The following KIF23 variants were observed in gnomAD, a reference collection of about 807,000 sequenced individuals.
KIF23 encodes kinesin-like protein KIF23.
Under a neutral mutation model 137.5 loss-of-function variants are expected in KIF23, and 30 were observed. That is an observed-to-expected ratio of 0.22 (90% CI 0.16 to 0.30). KIF23 has a LOEUF of 0.30. Ranked by LOEUF, KIF23 falls within the 10% of genes least tolerant of loss-of-function variation. The probability of loss-of-function intolerance (pLI) is 1.00; values close to 1 mark genes in which losing one functional copy is unlikely to be tolerated. For missense variants in KIF23, 920 were observed against 1,194.3 expected (o/e 0.77, Z 3.38); for synonymous variants, 367 against 391.1 (o/e 0.94, Z 0.73).
At position 69,425,334 on chromosome 15, in the gene KIF23, G is replaced by A. The variant is rs2057161999; in HGVS notation, c.776+11G>A. On this transcript the variant is annotated intron_variant, in intron 8 of 23. Transcript: ENST00000679126. Reference sequence around the variant, plus strand: ...GAACACAGATTTTGTGTATGTGATGGTGTTGGCTCTTTTCTTAAGGAGAAG... The same window carrying A: ...GAACACAGATTTTGTGTATGTGATGATGTTGGCTCTTTTCTTAAGGAGAAG... 6.5e-7 allele frequency: 1 copy of A among 1,535,118 alleles called. No homozygotes were observed. Among genetic ancestry groups the A allele is most frequent in the South Asian group, 1.2e-5 (1 of 83,976 alleles).
At position 69,435,509 on chromosome 15, in the gene KIF23, C is replaced by G. The variant is rs1291454857; in HGVS notation, c.1141C>G (p.Leu381Val). Residue 381 changes from leucine (L) to valine (V), a missense_variant, in exon 12 of 24, where the codon CTA becomes GTA. Physicochemically the swap from Leu to Val is conservative, Grantham distance 32. Transcript: ENST00000679126. ...TAATATTAATCAGTCACTAATGACG[C>G]TAAGAACATGTATGGATGTCCTAAG... ...AGNINQSLMT[L>V]RTCMDVLREN... is the part of the protein sequence containing the mutation. 1.2e-6 allele frequency: 2 copies of G among 1,613,804 alleles called. No individual in the cohort carries two copies. Among genetic ancestry groups the G allele is most frequent in the Admixed American group, 1.7e-5 (1 of 59,980 alleles).
chr15:69,425,371 A>G (rs1007926744), intron 8 of KIF23, 48 bp downstream of exon 8: 1 of 1,475,844 alleles, frequency 6.8e-7, no homozygotes, highest in Non-Finnish European at 9.1e-7. Flanking sequence ...GTGCAGTTAT[A>G]CTATGGTTGG....
intron 1 of KIF23, among the ~76,000 whole-genome samples, chr15:69,415,628 A>G (rs2140304181): frequency 6.6e-6 from 1 of 152,306 alleles, no homozygotes; most frequent in African/African-American, 2.4e-5. Flanking sequence ...GTGCATTTTT[A>G]TAGTGTATTG....
chr15:69,435,506 A>G lies in KIF23; in HGVS notation c.1138A>G (p.Thr380Ala). 6.2e-7 allele frequency: 1 copy of G among 1,613,904 alleles called. No homozygotes were observed. The highest frequency in any genetic ancestry group is 8.5e-7 in the Non-Finnish European group (1 of 1,179,840). The change falls in exon 12 of 24, where the codon ACG becomes GCG. Residue 380 changes from threonine to alanine, a missense_variant. This residue lies in a region of KIF23 where 714 missense variants were observed against 866.2 expected (regional missense o/e 0.82). Transcript: ENST00000679126. ...AGGTAATATTAATCAGTCACTAATG[A>G]CGCTAAGAACATGTATGGATGTCCT... ...EAGNINQSLM[T>A]LRTCMDVLRE...
chr15:69,414,649 C>A, intron 1 of KIF23, 173 bp downstream of exon 1: 1 of 651,208 alleles, frequency 1.5e-6, no homozygotes, highest in Non-Finnish European at 2.3e-6. Context: ...TGTGGCCGCT[C>A]CGCGGGAGCC....
At position 69,440,888 on chromosome 15, in the gene KIF23, G is replaced by A; in HGVS notation, c.2230G>A (p.Glu744Lys). ...ISVASCISEW[E>K]QKIPTYNTPL... Reference sequence around the variant, plus strand: ...TGTAGCTTCCTGTATTTCGGAATGGGAGCAGAAAATTCCTACGTACAACAC... The same window carrying A: ...TGTAGCTTCCTGTATTTCGGAATGGAAGCAGAAAATTCCTACGTACAACAC... The change falls in exon 19 of 24, where the codon GAG (glutamate) becomes AAG (lysine). Residue 744 changes from glutamate to lysine, a missense_variant. Coordinates refer to ENST00000679126, the MANE Select transcript of KIF23 (RefSeq NM_001367805.3). The A allele has an allele frequency of 1.2e-6, 2 of 1,614,142 alleles. No individual in the cohort carries two copies. The highest frequency in any genetic ancestry group is 1.1e-5 in the South Asian group (1 of 91,078).
Position 69,440,815 on chromosome 15 carries a change from G to A in KIF23, c.2157G>A (p.Met719Ile). 2 of 1,613,124 alleles carry A rather than the reference G, an allele frequency of 1.2e-6. No individual in the cohort carries two copies. Among genetic ancestry groups the A allele is most frequent in the East Asian group, 4.5e-5 (2 of 44,880 alleles). Residue 719 changes from methionine to isoleucine, a missense_variant, in exon 19 of 24, where the codon ATG (methionine) becomes ATA (isoleucine). By Grantham distance (10) the Met-to-Ile change is conservative (BLOSUM62 1). Around this residue, in one of 4 missense-constraint regions of KIF23, gnomAD observed 714 missense variants for 866.2 expected, o/e 0.82. Coordinates refer to ENST00000679126, the MANE Select transcript of KIF23 (RefSeq NM_001367805.3). ...IAQISNGQQL[M>I]SQPQLHRRSN... ...AGATTTCCAACGGCCAGCAACTCATGAGCCAGCCACAGCTACATAGGCGCT... is the reference window on the plus strand; with the variant it reads ...AGATTTCCAACGGCCAGCAACTCATAAGCCAGCCACAGCTACATAGGCGCT...
rs749033383 is a variant in KIF23 at position 69,416,070 on chromosome 15, T to C, written c.81+7T>C. On this transcript the variant is annotated splice_region_variant and intron_variant, in intron 2 of 23. Coordinates refer to ENST00000679126, the MANE Select transcript of KIF23 (RefSeq NM_001367805.3). ...CCTTAAAGACCCAGTTGGGGTAAGG[T>C]ATCCCTGTAAATTTATGTGTGGTGT... The C allele has an allele frequency of 1.2e-5, 18 of 1,556,116 alleles. No individual in the cohort carries two copies. The highest frequency in any genetic ancestry group is 1.6e-5 in the Non-Finnish European group (18 of 1,159,358).
Position 69,447,893 on chromosome 15 carries a change from C to G in KIF23, c.*86C>G. On this transcript the variant is annotated 3_prime_UTR_variant, in exon 24 of 24. Coordinates refer to ENST00000679126, the MANE Select transcript of KIF23 (RefSeq NM_001367805.3). The stretch of plus-strand genomic sequence containing the variant: ...TGCCAGAAGCAGTCTTCCAGGTCAT[C>G]TTGTAGAACTCCAGCTTTGTTGAAA... The G allele has an allele frequency of 7.3e-7, 1 of 1,370,662 alleles. No individual in the cohort carries two copies. The highest frequency in any genetic ancestry group is 1.0e-6 in the Non-Finnish European group (1 of 965,360). 84.9% of individuals were successfully genotyped at this position (1,370,662 alleles called of 1,614,324 possible).
intron 3 of KIF23, among the ~76,000 whole-genome samples, chr15:69,418,073 AAGTT>A (rs1386421702): frequency 2.6e-5 from 4 of 152,304 alleles, no homozygotes; most frequent in African/African-American, 9.6e-5. Context: ...ATAAGACAGA[AAGTT>A]AGATGTGCTA....
In KIF23 at chr15:69,436,615, G is replaced by A; in HGVS notation, c.1490G>A (p.Cys497Tyr). ...CAGAGTTTTCCACCTTTGCCATCATGCGAAATTTTGGATATCAACGATGAG... is the reference window on the plus strand; with the variant it reads ...CAGAGTTTTCCACCTTTGCCATCATACGAAATTTTGGATATCAACGATGAG... ...VLQSFPPLPS[C>Y]EILDINDEQT... Residue 497 changes from cysteine to tyrosine, a missense_variant, in exon 15 of 24, where the codon TGC becomes TAC. Physicochemically the swap from Cys to Tyr is radical, Grantham distance 194 (BLOSUM62 -2). This residue lies in a region of KIF23 where 714 missense variants were observed against 866.2 expected (regional missense o/e 0.82). Coordinates refer to ENST00000679126, the MANE Select transcript of KIF23 (RefSeq NM_001367805.3). 6.2e-7 allele frequency: 1 copy of A among 1,612,774 alleles called. No homozygotes were observed.
intron 15 of KIF23, 110 bp downstream of exon 15, chr15:69,436,832 G>T (rs1175013829): frequency 1.7e-5 from 10 of 599,382 alleles, no homozygotes; most frequent in Non-Finnish European, 2.6e-5. Context: ...TCGGTTCACT[G>T]CAACCTCCGC....
chr15:69,434,804 G>A (rs1258323800), intron 11 of KIF23: 1 of 1,012,556 alleles, frequency 9.9e-7, no homozygotes, highest in South Asian at 1.4e-5. Context: ...CCTTCTTCTT[G>A]CACTCATCCT....
intron 6 of KIF23, 144 bp downstream of exon 6, chr15:69,422,579 T>C: frequency 1.6e-6 from 1 of 612,636 alleles, no homozygotes; most frequent in Non-Finnish European, 2.9e-6. Flanking sequence ...TTAAGTTCTT[T>C]GCTCAGATGT....
rs1411900241 is a variant in KIF23, at chr15:69,436,737, A to C, written c.1597+15A>C. On this transcript the variant is annotated intron_variant, in intron 15 of 23. Coordinates refer to ENST00000679126, the MANE Select transcript of KIF23 (RefSeq NM_001367805.3). Reference sequence around the variant, plus strand: ...TAACAAACAATGTAAGGGCAAAACTATTTGAAATAATTTTATTTAATTATT... The same window carrying C: ...TAACAAACAATGTAAGGGCAAAACTCTTTGAAATAATTTTATTTAATTATT... 7.0e-7 allele frequency: 1 copy of C among 1,425,516 alleles called. No individual in the cohort carries two copies. Among genetic ancestry groups the C allele is most frequent in the Non-Finnish European group, 9.4e-7 (1 of 1,068,248 alleles). 88.3% of individuals were successfully genotyped at this position (1,425,516 alleles called of 1,614,324 possible). A position where few individuals can be genotyped will look rare whatever the true frequency, so the allele number is the denominator to read the frequency against.
At chr15:69,428,034 G>A (rs1432534128) in intron 10 of KIF23, among the ~76,000 whole-genome samples, 2 of 152,096 alleles carry the variant, frequency 1.3e-5, no homozygotes, top group African/African-American at 2.4e-5. Flanking sequence ...CAAGACGGGT[G>A]GATCATGAGG....
chr15:69,435,823 A>G (rs1477545396), intron 13 of KIF23, 52 bp downstream of exon 13: 1 of 1,585,050 alleles, frequency 6.3e-7, no homozygotes, highest in Admixed American at 1.9e-5. Context: ...TCGGGAAAAC[A>G]GTTACTTGGA....
At chr15:69,440,725 A>C in intron 18 of KIF23, 43 bp from the exon 19 acceptor site, 1 of 1,481,356 alleles carries the variant, frequency 6.8e-7, no homozygotes. Context: ...TGTTTCTCTC[A>C]GTTTTTCAGT....
rs546809909 is a variant in KIF23, at chr15:69,444,725, T to G, written c.2422-65T>G. 6.6e-6 allele frequency: 10 copies of G among 1,526,560 alleles called. 1 individual carries two copies. In the South Asian group the frequency reaches 1.2e-4, roughly 18 times the overall value. 94.6% of individuals were successfully genotyped at this position (1,526,560 alleles called of 1,614,324 possible). A position where few individuals can be genotyped will look rare whatever the true frequency, so the allele number is the denominator to read the frequency against. ...GCTATGATACTGTCATCAACTAATGTAGCCAAACCTGCTGCACTTCTAATA... is the reference window on the plus strand; with the variant it reads ...GCTATGATACTGTCATCAACTAATGGAGCCAAACCTGCTGCACTTCTAATA... On this transcript the variant is annotated intron_variant, in intron 19 of 23. Coordinates refer to ENST00000679126, the MANE Select transcript of KIF23 (RefSeq NM_001367805.3). This position sits in a 1 kb window ranked among gnomAD's most constrained non-coding sequence, Gnocchi z 4.2.
Sources: allele counts gnomAD v4.1 joint callset (sites outside exome capture counted in the v4.1 genomes callset), GRCh38; gene constraint gnomAD v4.1.1; regional missense constraint gnomAD v4.1.1; non-coding constraint Gnocchi (gnomAD v3.1); transcripts MANE v1.5; gene names NCBI Gene and HGNC (gene_info 2026-07-23, HGNC 2026-07-21).